SARDH: variants seen among roughly 807,000 people sequenced by gnomAD.
SARDH encodes sarcosine dehydrogenase, mitochondrial.
In SARDH, 95 loss-of-function variants were observed where a neutral mutation model predicts 109.1. The observed-to-expected ratio is 0.87, with a 90% CI of 0.74 to 1.03. The LOEUF (loss-of-function observed/expected upper bound fraction) is 1.03, where lower values mean the gene tolerates loss of function less well. Among genes scored for constraint, SARDH ranks in the 50% least tolerant of loss-of-function variants. SARDH has a pLI of 0.00. For synonymous variants in SARDH, 572 were observed against 534.8 expected (o/e 1.07, Z -0.96); for missense variants, 1,267 against 1,287.8 (o/e 0.98, Z 0.25).
chr9:133,681,264 C>A (rs1830685877), intron 17 of SARDH, among the ~76,000 whole-genome samples: 1 of 152,194 alleles, frequency 6.6e-6, no homozygotes, highest in African/African-American at 2.4e-5. Context: ...CCCGGCTCGT[C>A]CACAGGCCCC....
At chr9:133,676,096 A>T (rs62575419) in intron 17 of SARDH, among the ~76,000 whole-genome samples, 46 of 114,854 alleles carry the variant, frequency 4.0e-4, no homozygotes, top group African/African-American at 1.5e-3. Context: ...GTCTGAAATT[A>T]AAAAAAAAAA....
intron 17 of SARDH, among the ~76,000 whole-genome samples, chr9:133,684,221 C>A (rs1019190918): frequency 9.2e-5 from 14 of 152,250 alleles, no homozygotes; most frequent in Non-Finnish European, 2.9e-5. Flanking sequence ...GTGGGTGCCA[C>A]TGGCACCTAG....
intron 6 of SARDH, 71 bp downstream of exon 6, chr9:133,729,694 C>G: frequency 7.1e-7 from 1 of 1,404,726 alleles, no homozygotes; most frequent in South Asian, 1.2e-5. Flanking sequence ...CACCTGGGTT[C>G]AAGCTGGGAT....
chr9:133,701,672 G>C (rs938112687), intron 13 of SARDH, among the ~76,000 whole-genome samples: 1 of 152,210 alleles, frequency 6.6e-6, no homozygotes, highest in Non-Finnish European at 1.5e-5. Context: ...AGCACTCCCT[G>C]GGAGGCAGCG....
intron 1 of SARDH, among the ~76,000 whole-genome samples, chr9:133,737,869 G>C (rs1334427051): frequency 6.6e-6 from 1 of 152,238 alleles, no homozygotes; most frequent in African/African-American, 2.4e-5. Flanking sequence ...CAGGAGTGAG[G>C]GCTGAGGACA....
chr9:133,722,646 T>G (rs925020109), intron 6 of SARDH, among the ~76,000 whole-genome samples: 7 of 35,992 alleles, frequency 1.9e-4, no homozygotes, highest in East Asian at 6.7e-4. Flanking sequence ...ACTAGCGCTC[T>G]CTCTCTCTCT....
intron 2 of SARDH, 147 bp downstream of exon 2, chr9:133,733,696 C>T (rs905996382): frequency 1.8e-5 from 13 of 710,096 alleles, no homozygotes; most frequent in East Asian, 1.7e-4. Context: ...CCAGCTCCGC[C>T]CACCTGCAAA....
intron 13 of SARDH, among the ~76,000 whole-genome samples, chr9:133,700,418 A>C (rs1458671594): frequency 2.0e-5 from 3 of 152,204 alleles, no homozygotes; most frequent in African/African-American, 7.2e-5. Context: ...GTGCCTTGAG[A>C]ATATCACGCT....
intron 16 of SARDH, 136 bp downstream of exon 16, chr9:133,690,244 G>C: frequency 1.1e-6 from 1 of 895,492 alleles, no homozygotes; most frequent in African/African-American, 1.7e-5. Flanking sequence ...ATTCAGAATG[G>C]CATCTCTGGT....
intron 4 of SARDH, 89 bp downstream of exon 4, chr9:133,731,216 T>C: frequency 6.6e-7 from 1 of 1,508,442 alleles, no homozygotes; most frequent in Non-Finnish European, 9.0e-7. Context: ...AGAGAATGGC[T>C]CTTGTTCTCT....
chr9:133,670,712 G>T lies in SARDH; in HGVS notation c.2367C>A (p.Ser789Arg), dbSNP rs139852037. Residue 789 changes from serine to arginine, a missense_variant, in exon 19 of 21, where the codon AGC becomes AGA. Ser to Arg is a moderately radical substitution (Grantham distance 110). Transcript: ENST00000439388. The stretch of plus-strand genomic sequence containing the variant: ...TGAAGGCCAGGCCTGCCTCCAGGGG[G>T]CTGTCGTCTGGCCGCAGGTCCGCGT... ...HWHADLRPDD[S>R]PLEAGLAFTC... The T allele has an allele frequency of 3.7e-6, 6 of 1,601,694 alleles. No individual in the cohort carries two copies. The highest frequency in any genetic ancestry group is 1.3e-5 in the African/African-American group (1 of 74,430).
At chr9:133,683,700 G>A (rs751424543) in intron 17 of SARDH, among the ~76,000 whole-genome samples, 5 of 152,184 alleles carry the variant, frequency 3.3e-5, no homozygotes, top group Non-Finnish European at 5.9e-5. Context: ...GTTTCTGGCC[G>A]CCTCCTCCCT....
At chr9:133,694,154 A>T in intron 15 of SARDH, 104 bp downstream of exon 15, 2 of 805,472 alleles carry the variant, frequency 2.5e-6, no homozygotes, top group Non-Finnish European at 3.9e-6. Context: ...CTAATGACAG[A>T]GCTGCCGTCA....
Position 133,667,949 on chromosome 9 carries a change from C to T in SARDH, c.2496-1079G>A, listed in dbSNP as rs570684040. On this transcript the variant is annotated intron_variant, in intron 19 of 20. Coordinates refer to ENST00000439388, the MANE Select transcript of SARDH (RefSeq NM_001134707.2). ...CTGCCAGCATCTTCTCTGCGCCTGTCCTGGAACTGCAACAGTCCAGAGCCG... is the reference window on the plus strand; with the variant it reads ...CTGCCAGCATCTTCTCTGCGCCTGTTCTGGAACTGCAACAGTCCAGAGCCG... Among the ~76,000 whole-genome samples the T allele has an allele frequency of 2.0e-5, 3 of 152,250 alleles. No individual in the cohort carries two copies. The East Asian group carries it at 5.8e-4, about 29-fold the overall frequency.
chr9:133,669,718 T>C (rs1830268100), intron 19 of SARDH, among the ~76,000 whole-genome samples: 1 of 152,188 alleles, frequency 6.6e-6, no homozygotes, highest in Non-Finnish European at 1.5e-5. Context: ...GTGAGTCCCC[T>C]GCTCCTTGGC....
Position 133,712,785 on chromosome 9 carries a change from C to A in SARDH, c.1238-76G>T. 1 of 1,380,056 alleles carries A rather than the reference C, an allele frequency of 7.2e-7. No homozygotes were observed. The highest frequency in any genetic ancestry group is 1.0e-6 in the Non-Finnish European group (1 of 988,864). The allele number at this position is 1,380,056 out of a possible 1,614,324, so 85.5% of individuals were successfully genotyped here. On this transcript the variant is annotated intron_variant, in intron 9 of 20. Transcript: ENST00000439388. The surrounding 1 kb of genome is among the most constrained non-coding windows in gnomAD (Gnocchi z 4.1). ...CCCATGTCCAAACATGTGCCCCCAT[C>A]TCCACGGACAGCACAGACACTCCAA... is the stretch of plus-strand genomic sequence containing the variant.
chr9:133,731,557 G>T, intron 3 of SARDH, 73 bp from the exon 4 acceptor site: 1 of 1,460,662 alleles, frequency 6.8e-7, no homozygotes, highest in South Asian at 1.2e-5. Flanking sequence ...CCCCAACTGG[G>T]CATCCACCGC....
chr9:133,721,720 T>C (rs1056218998), intron 6 of SARDH, among the ~76,000 whole-genome samples: 11 of 152,198 alleles, frequency 7.2e-5, no homozygotes, highest in African/African-American at 2.7e-4. Context: ...GACAGATCCC[T>C]TGACACAACT....
At chr9:133,684,736 C>T (rs1177475690) in intron 17 of SARDH, among the ~76,000 whole-genome samples, 1 of 152,172 alleles carries the variant, frequency 6.6e-6, no homozygotes, top group African/African-American at 2.4e-5. Context: ...TGCTCCCACC[C>T]CAGCAGCCCC....
Sources: gnomAD v4.1 joint callset for allele counts (sites outside exome capture counted in the v4.1 genomes callset) on GRCh38, gnomAD v4.1.1 for gene constraint, Gnocchi (gnomAD v3.1) non-coding constraint, MANE v1.5 for transcripts, NCBI Gene and HGNC (gene_info 2026-07-23, HGNC 2026-07-21) for gene names.